Variants in TTC28 observed in about 807,000 individuals in gnomAD.
The protein encoded by TTC28 is tetratricopeptide repeat domain 28.
TTC28 carries 61 observed loss-of-function variants against 198.0 expected under a neutral mutation model. The ratio of observed to expected loss-of-function variants is 0.31; its 90% CI spans 0.25 to 0.38. TTC28 has a LOEUF of 0.38. Ranked by LOEUF, TTC28 falls within the 10% of genes least tolerant of loss-of-function variation. The probability of loss-of-function intolerance (pLI) is 1.00; values close to 1 mark genes in which losing one functional copy is unlikely to be tolerated. For missense variants in TTC28, 2,678 were observed against 3,164.0 expected, an observed-to-expected ratio of 0.85 and a Z score of 3.69; for synonymous variants, 1,171 against 1,297.8, an observed-to-expected ratio of 0.90 and a Z score of 2.10.
In TTC28 at chr22:28,599,803, T is replaced by C. The variant is rs140761326; in HGVS notation, c.381+29749A>G. ...ATACTGACCAAAAGGTTAAAAGTCA[T>C]TTGTTCCCCAGGTTCTCTGAAACCA... is the stretch of plus-strand genomic sequence containing the variant. On this transcript the variant is annotated intron_variant, in intron 2 of 22. Transcript: ENST00000397906. 6.0e-3 allele frequency among the ~76,000 whole-genome samples: 915 copies of C among 152,314 alleles called. 5 individuals are homozygous for C. The highest frequency in any genetic ancestry group is 0.02 in the African/African-American group (824 of 41,574).
chr22:28,195,864 AG>A (rs1925282880), intron 5 of TTC28, among the ~76,000 whole-genome samples: 1 of 151,544 alleles, frequency 6.6e-6, no homozygotes, highest in Non-Finnish European at 1.5e-5. Context: ...ATACTGCTCA[AG>A]GTAATTTATA....
intron 12 of TTC28, among the ~76,000 whole-genome samples, chr22:28,044,272 G>T (rs1035297074): frequency 1.3e-5 from 2 of 152,110 alleles, no homozygotes; most frequent in Non-Finnish European, 2.9e-5. Context: ...TCTAACAGCT[G>T]TAATGTATAG....
At chr22:28,117,394 C>T (rs962697960) in intron 6 of TTC28, among the ~76,000 whole-genome samples, 1 of 152,136 alleles carries the variant, frequency 6.6e-6, no homozygotes, top group Admixed American at 6.5e-5. Flanking sequence ...CAATATAAAC[C>T]CTCCCAGCCC....
At chr22:28,076,318 T>C (rs1284030480) in intron 12 of TTC28, among the ~76,000 whole-genome samples, 2 of 152,212 alleles carry the variant, frequency 1.3e-5, no homozygotes, top group Non-Finnish European at 2.9e-5. Context: ...CACCAGTGCA[T>C]GGGGACTGCT....
At position 28,655,717 on chromosome 22, in the gene TTC28, G is replaced by A. The variant is rs545547891; in HGVS notation, c.102+23905C>T. 9.3e-4 allele frequency among the ~76,000 whole-genome samples: 141 copies of A among 152,260 alleles called. 1 individual carries two copies. Among genetic ancestry groups the A allele is most frequent in the Non-Finnish European group, 1.4e-3 (98 of 68,020 alleles). ...ATACAAAAACTTAGCCAGGCGCCGT[G>A]GCGGGCGCCTGTAGTCCCCGCTACT... On this transcript the variant is annotated intron_variant, in intron 1 of 22. Transcript: ENST00000397906.
At chr22:28,303,370 ATTTAT>A (rs1196831665) in intron 3 of TTC28, among the ~76,000 whole-genome samples, 3 of 152,230 alleles carry the variant, frequency 2.0e-5, no homozygotes, top group Admixed American at 6.5e-5. Context: ...ATCAATTTGT[ATTTAT>A]TTTATATTTT....
chr22:28,146,671 C>A (rs1419224565), intron 6 of TTC28, among the ~76,000 whole-genome samples: 2 of 152,190 alleles, frequency 1.3e-5, no homozygotes, highest in African/African-American at 4.8e-5. Context: ...ATGTTATAAG[C>A]TGTCTTTGTC....
At chr22:28,229,697 T>C (rs9625434) in intron 5 of TTC28, among the ~76,000 whole-genome samples, 2,769 of 152,166 alleles carry the variant, frequency 0.018, 46 homozygotes, top group Non-Finnish European at 0.026. Flanking sequence ...CCCTTTCAAT[T>C]CTACAAGCAT....
intron 2 of TTC28, among the ~76,000 whole-genome samples, chr22:28,548,044 A>C (rs1045021200): frequency 5.3e-5 from 8 of 152,104 alleles, no homozygotes; most frequent in African/African-American, 1.7e-4. Context: ...CAAATGCACT[A>C]GTTTTTTATT....
chr22:28,056,925 TAAC>T (rs1443253062), intron 12 of TTC28, among the ~76,000 whole-genome samples: 4 of 152,184 alleles, frequency 2.6e-5, no homozygotes, highest in Non-Finnish European at 4.4e-5. Context: ...TCCTTTCAAT[TAAC>T]AAAGTATTTT....
intron 2 of TTC28, among the ~76,000 whole-genome samples, chr22:28,567,217 GAAAAAAA>G (rs962703897): frequency 7.2e-5 from 6 of 83,080 alleles, no homozygotes; most frequent in Middle Eastern, 8.6e-3. Context: ...CTCCATCTCG[GAAAAAAA>G]AAAAAAAAAA....
At chr22:28,408,017 C>G (rs908538725) in intron 2 of TTC28, among the ~76,000 whole-genome samples, 1 of 152,118 alleles carries the variant, frequency 6.6e-6, no homozygotes, top group African/African-American at 2.4e-5. Flanking sequence ...TTAGTAATTT[C>G]TCTTATATTT....
At chr22:28,522,785 T>A (rs1340937025) in intron 2 of TTC28, among the ~76,000 whole-genome samples, 3 of 152,060 alleles carry the variant, frequency 2.0e-5, no homozygotes, top group Non-Finnish European at 4.4e-5. Context: ...GCCCAGATAT[T>A]GTATGATTAT....
At chr22:28,567,452 C>T (rs538794683) in intron 2 of TTC28, among the ~76,000 whole-genome samples, 1 of 112,218 alleles carries the variant, frequency 8.9e-6, no homozygotes, top group East Asian at 2.8e-4. Context: ...TACATACACA[C>T]ACACACCACA....
rs1937004652 is a variant in TTC28 at position 27,981,229 on chromosome 22, AATTTTTTTTTTTTTTTTT to A, written c.*974_*991del. 1.4e-5 allele frequency: 1 copy of A among 72,734 alleles called. No homozygotes were observed. The highest frequency in any genetic ancestry group is 4.9e-5 in the African/African-American group (1 of 20,466). The allele number at this position is 72,734 out of a possible 1,614,324, so 4.5% of individuals were successfully genotyped here. On this transcript the variant is annotated 3_prime_UTR_variant, in exon 23 of 23. Transcript: ENST00000397906. The stretch of plus-strand genomic sequence containing the variant: ...CTGGTTAAATCTAGTTAGCCATGGA[AATTTTTTTTTTTTTTTTT>A]TTTTTTTTTTTTTTTTTTTTGCTTA...
chr22:28,304,855 A>T (rs1047150929), intron 3 of TTC28, among the ~76,000 whole-genome samples: 2 of 152,034 alleles, frequency 1.3e-5, no homozygotes, highest in African/African-American at 4.8e-5. Context: ...AACAAGAAAA[A>T]ACTAGAAAAT....
intron 2 of TTC28, among the ~76,000 whole-genome samples, chr22:28,384,693 A>G (rs1045796581): frequency 2.6e-5 from 4 of 152,170 alleles, no homozygotes; most frequent in African/African-American, 9.7e-5. Context: ...TTTCAAGTCT[A>G]TAACTAAAAT....
At chr22:28,235,105 C>G (rs1010184610) in intron 5 of TTC28, among the ~76,000 whole-genome samples, 1 of 152,230 alleles carries the variant, frequency 6.6e-6, no homozygotes, top group African/African-American at 2.4e-5. Flanking sequence ...GATGAAACAG[C>G]TCTCCCAGAG....
At position 28,105,857 on chromosome 22, in the gene TTC28, G is replaced by A. The variant is rs377604860; in HGVS notation, c.2784-55C>T. 22 of 1,475,980 alleles carry A rather than the reference G, an allele frequency of 1.5e-5. No homozygotes were observed. In the African/African-American group the frequency reaches 3.0e-4, roughly 20 times the overall value. 91.4% of individuals were successfully genotyped at this position (1,475,980 alleles called of 1,614,324 possible). A position where few individuals can be genotyped will look rare whatever the true frequency, so the allele number is the denominator to read the frequency against. ...TATTATTTCATGCAGGTGCAGACATGCTAAAGCCCCTGAGAAAATGAAAAG... is the reference window on the plus strand; with the variant it reads ...TATTATTTCATGCAGGTGCAGACATACTAAAGCCCCTGAGAAAATGAAAAG... On this transcript the variant is annotated intron_variant, in intron 7 of 22. Coordinates refer to ENST00000397906, the MANE Select transcript of TTC28 (RefSeq NM_001145418.2).
Sources: gnomAD v4.1 joint callset for allele counts (sites outside exome capture counted in the v4.1 genomes callset) on GRCh38, gnomAD v4.1.1 for gene constraint, MANE v1.5 for transcripts, NCBI Gene and HGNC (gene_info 2026-07-23, HGNC 2026-07-21) for gene names.